Variants in DAPL1 observed in about 807,000 individuals in gnomAD.
DAPL1 encodes death associated protein like 1, also known as death-associated protein-like 1.
In DAPL1, 17 loss-of-function variants were observed where a neutral mutation model predicts 12.9. The observed-to-expected ratio is 1.32, with a 90% CI of 0.90 to 1.98. The LOEUF is 1.98. DAPL1 is among the 30% of genes most tolerant of loss of function. DAPL1 has a pLI of 0.00. For missense variants in DAPL1, 157 were observed against 125.7 expected, an observed-to-expected ratio of 1.25 and a Z score of -1.19; for synonymous variants, 51 against 42.0, an observed-to-expected ratio of 1.21 and a Z score of -0.82.
At chr2:158,804,495 G>A in intron 2 of DAPL1, 126 bp downstream of exon 2, 1 of 646,524 alleles carries the variant, frequency 1.5e-6, no homozygotes, top group Non-Finnish European at 2.6e-6. Context: ...GGGCAGGAGG[G>A]GGAGGGCGTG....
At chr2:158,798,255 G>A (rs1021405852) in intron 1 of DAPL1, among the ~76,000 whole-genome samples, 2 of 152,228 alleles carry the variant, frequency 1.3e-5, no homozygotes, top group Non-Finnish European at 2.9e-5. Flanking sequence ...AAGGAAGTTG[G>A]AGGGGGAGTA....
chr2:158,809,500 C>T (rs940399280), intron 3 of DAPL1, among the ~76,000 whole-genome samples: 1 of 152,118 alleles, frequency 6.6e-6, no homozygotes, highest in Non-Finnish European at 1.5e-5. Flanking sequence ...TGGCATCAGC[C>T]ATAGGCTGCC....
At chr2:158,812,976 AC>A (rs2059239617) in intron 3 of DAPL1, among the ~76,000 whole-genome samples, 1 of 152,102 alleles carries the variant, frequency 6.6e-6, no homozygotes, top group East Asian at 1.9e-4. Context: ...AGAGATCCTA[AC>A]CAAGTATTCA....
intron 3 of DAPL1, chr2:158,807,907 A>T (rs1014017806): frequency 6.6e-6 from 1 of 152,216 alleles, no homozygotes; most frequent in Non-Finnish European, 1.5e-5. Context: ...CGACCTCCCA[A>T]AGTGCTGAGA....
At chr2:158,799,424 C>T (rs955295510) in intron 1 of DAPL1, among the ~76,000 whole-genome samples, 1 of 151,908 alleles carries the variant, frequency 6.6e-6, no homozygotes, top group African/African-American at 2.4e-5. Flanking sequence ...TTGAAAAGGT[C>T]TCTTGAGTCA....
chr2:158,806,952 T>G (rs2059205719), intron 2 of DAPL1, 103 bp from the exon 3 acceptor site: 7 of 828,844 alleles, frequency 8.4e-6, no homozygotes, highest in Non-Finnish European at 1.4e-5. Context: ...CTAAGCAAAG[T>G]GAAAGCATAA....
chr2:158,809,731 T>C (rs2059221002), intron 3 of DAPL1, among the ~76,000 whole-genome samples: 2 of 152,218 alleles, frequency 1.3e-5, no homozygotes, highest in South Asian at 2.1e-4. Flanking sequence ...GCCTGCATCC[T>C]GCCTTCACTT....
chr2:158,797,636 A>G (rs2059141758), intron 1 of DAPL1, among the ~76,000 whole-genome samples: 1 of 152,162 alleles, frequency 6.6e-6, no homozygotes, highest in Non-Finnish European at 1.5e-5. Flanking sequence ...TATTAAAAAT[A>G]CAAAAATTAG....
intron 3 of DAPL1, among the ~76,000 whole-genome samples, chr2:158,811,423 G>A (rs945562025): frequency 3.3e-5 from 5 of 152,176 alleles, no homozygotes; most frequent in African/African-American, 1.2e-4. Context: ...TGAAAGTGCT[G>A]CCAGTCTGCT....
At position 158,815,709 on chromosome 2, in the gene DAPL1, A is replaced by G. The variant is rs1261081130; in HGVS notation, c.212A>G (p.Asn71Ser). ...DALNDALEKL[N>S]YKFPATVHMA... ...TTCTTCCCTTCTCACCTTTAGCTCAACTATAAATTTCCAGCAACAGTGCAC... is the reference window on the plus strand; with the variant it reads ...TTCTTCCCTTCTCACCTTTAGCTCAGCTATAAATTTCCAGCAACAGTGCAC... The change falls in exon 4 of 4, where the codon AAC (asparagine) becomes AGC (serine). Residue 71 changes from asparagine to serine, a missense_variant. Physicochemically the swap from Asn to Ser is conservative, Grantham distance 46. Transcript: ENST00000309950. 6.2e-7 allele frequency: 1 copy of G among 1,608,170 alleles called. No individual in the cohort carries two copies. The highest frequency in any genetic ancestry group is 2.2e-5 in the East Asian group (1 of 44,870).
Position 158,815,955 on chromosome 2 carries a change from C to T in DAPL1, c.*134C>T, listed in dbSNP as rs780316643. The T allele has an allele frequency of 6.3e-4, 418 of 664,246 alleles. 1 individual carries two copies. Among genetic ancestry groups the T allele is most frequent in the Non-Finnish European group, 1.0e-3 (381 of 372,480 alleles). The allele number at this position is 664,246 out of a possible 1,614,324, so 41.1% of individuals were successfully genotyped here. ...GCAGCTTTTGTATCTTCCCCTTTGA[C>T]TTTAGGTAATAAAGCATCCAAACTT... On this transcript the variant is annotated 3_prime_UTR_variant, in exon 4 of 4. Coordinates refer to ENST00000309950, the MANE Select transcript of DAPL1 (RefSeq NM_001017920.3).
intron 1 of DAPL1, among the ~76,000 whole-genome samples, chr2:158,802,369 T>C (rs1232035040): frequency 6.6e-6 from 1 of 152,246 alleles, no homozygotes; most frequent in Non-Finnish European, 1.5e-5. Context: ...ACCTCCATCT[T>C]AGAATGAGCG....
intron 2 of DAPL1, among the ~76,000 whole-genome samples, chr2:158,805,139 C>T (rs1246127202): frequency 6.6e-6 from 1 of 152,180 alleles, no homozygotes; most frequent in Non-Finnish European, 1.5e-5. Context: ...GCTCCAGGCA[C>T]CTCCATAAGA....
intron 3 of DAPL1, among the ~76,000 whole-genome samples, chr2:158,812,493 A>G (rs868059318): frequency 6.6e-6 from 1 of 152,196 alleles, no homozygotes; most frequent in Admixed American, 6.5e-5. Flanking sequence ...CAAAAAATAA[A>G]TATAGAATTG....
intron 1 of DAPL1, among the ~76,000 whole-genome samples, chr2:158,796,704 C>G (rs1024677539): frequency 6.6e-6 from 1 of 152,168 alleles, no homozygotes; most frequent in Non-Finnish European, 1.5e-5. Flanking sequence ...TTTTGCTAAA[C>G]TACATTTATG....
intron 1 of DAPL1, among the ~76,000 whole-genome samples, chr2:158,800,292 TACAAAAA>T (rs2059160128): frequency 6.6e-6 from 1 of 152,124 alleles, no homozygotes; most frequent in Non-Finnish European, 1.5e-5. Flanking sequence ...TACACTGAGG[TACAAAAA>T]ACTCGTTATT....
At chr2:158,806,347 G>A (rs1367626886) in intron 2 of DAPL1, among the ~76,000 whole-genome samples, 2 of 122,440 alleles carry the variant, frequency 1.6e-5, no homozygotes, top group East Asian at 1.9e-4. Context: ...GAAGCCAGAT[G>A]CAAAAGAGTA....
At chr2:158,812,285 A>G (rs562502297) in intron 3 of DAPL1, among the ~76,000 whole-genome samples, 1 of 152,322 alleles carries the variant, frequency 6.6e-6, no homozygotes, top group African/African-American at 2.4e-5. Context: ...ATCAGTTCAG[A>G]TGGCCATTGG....
rs2059188627 is a variant in DAPL1, at chr2:158,804,470, G to A, written c.146+101G>A. The stretch of plus-strand genomic sequence containing the variant: ...AACCAAGGCTCCCTATGCCTTTGGA[G>A]GCAGCCAGAGAAGGGGGCAGGAGGG... On this transcript the variant is annotated intron_variant, in intron 2 of 3. Coordinates refer to ENST00000309950, the MANE Select transcript of DAPL1 (RefSeq NM_001017920.3). The A allele has an allele frequency of 3.7e-6, 3 of 810,972 alleles. No individual in the cohort carries two copies. In the East Asian group the frequency reaches 8.2e-5, roughly 22 times the overall value. The allele number at this position is 810,972 out of a possible 1,614,324, so 50.2% of individuals were successfully genotyped here. A position where few individuals can be genotyped will look rare whatever the true frequency, so the allele number is the denominator to read the frequency against.
Sources: gnomAD v4.1 joint callset for allele counts (sites outside exome capture counted in the v4.1 genomes callset) on GRCh38, gnomAD v4.1.1 for gene constraint, MANE v1.5 for transcripts, NCBI Gene and HGNC (gene_info 2026-07-23, HGNC 2026-07-21) for gene names.